Variants in RNLS observed in about 807,000 individuals in gnomAD.
The protein encoded by RNLS is renalase, FAD dependent amine oxidase, also known as renalase.
A neutral mutation model predicts 39.8 loss-of-function variants in RNLS; 39 were observed. That is an observed-to-expected ratio of 0.98 (90% confidence interval 0.76 to 1.28). The LOEUF (loss-of-function observed/expected upper bound fraction) is 1.28. RNLS is among the 50% of genes most tolerant of loss of function. The probability of loss-of-function intolerance (pLI) is 0.00; values close to 1 mark genes in which losing one functional copy is unlikely to be tolerated. For synonymous variants in RNLS, 147 were observed against 150.7 expected (o/e 0.98, Z 0.18); for missense variants, 410 against 413.3 (o/e 0.99, Z 0.07).
At chr10:88,540,097 G>A (rs1761611238) in intron 4 of RNLS, among the ~76,000 whole-genome samples, 1 of 152,052 alleles carries the variant, frequency 6.6e-6, no homozygotes, top group South Asian at 2.1e-4. Context: ...TTGTGACCTT[G>A]TTAACACATT....
chr10:88,581,656 A>G lies in RNLS; in HGVS notation c.278T>C (p.Ile93Thr), dbSNP rs1451562072. Residue 93 changes from isoleucine (I) to threonine (T), a missense_variant, in exon 3 of 7, where the codon ATT becomes ACT. Coordinates refer to ENST00000331772, the MANE Select transcript of RNLS (RefSeq NM_001031709.3). ...TCCTTCTTTCATCACCATTCCTTCA[A>G]TAGGCGAGCTTAGAGGCCTCAAAAC... ...YGVLRPLSSP[I>T]EGMVMKEGDC... The G allele has an allele frequency of 1.2e-6, 2 of 1,603,866 alleles. No homozygotes were observed. The highest frequency in any genetic ancestry group is 2.3e-5 in the East Asian group (1 of 44,080).
chr10:88,199,818 T>C, the RNLS span, among the ~76,000 whole-genome samples: 5 of 152,300 alleles, frequency 3.3e-5, no homozygotes, highest in Non-Finnish European at 7.4e-5. Context: ...TGAGGTCACT[T>C]AAGTTGACAT....
chr10:88,269,809 A>G (rs1283308496), downstream of RNLS, among the ~76,000 whole-genome samples: 1 of 152,172 alleles, frequency 6.6e-6, no homozygotes, highest in African/African-American at 2.4e-5. Flanking sequence ...ATTTGAATAT[A>G]ACTTCTATGA....
intron 4 of RNLS, among the ~76,000 whole-genome samples, chr10:88,399,269 C>A (rs1042102085): frequency 2.6e-5 from 4 of 151,982 alleles, no homozygotes. Flanking sequence ...GATTTCACTC[C>A]TAGGTGTATA....
At chr10:88,541,808 C>G (rs571197684) in intron 4 of RNLS, among the ~76,000 whole-genome samples, 12 of 152,074 alleles carry the variant, frequency 7.9e-5, no homozygotes, top group Non-Finnish European at 1.6e-4. Context: ...GTGTAGGATA[C>G]AAACAAGGAC....
At chr10:88,422,559 G>T (rs1030813434) in intron 4 of RNLS, among the ~76,000 whole-genome samples, 1 of 152,056 alleles carries the variant, frequency 6.6e-6, no homozygotes, top group African/African-American at 2.4e-5. Flanking sequence ...TTTCATTAGG[G>T]TCTTCTGTTT....
chr10:88,385,635 G>A (rs1020920277), intron 4 of RNLS, among the ~76,000 whole-genome samples: 10 of 152,222 alleles, frequency 6.6e-5, no homozygotes, highest in African/African-American at 2.4e-4. Context: ...AACCCCAGGT[G>A]AGTGATTTAG....
intron 6 of RNLS, among the ~76,000 whole-genome samples, chr10:88,301,297 C>T (rs1844498337): frequency 6.6e-6 from 1 of 152,142 alleles, no homozygotes; most frequent in South Asian, 2.1e-4. Flanking sequence ...AGGTGATGAT[C>T]TCACACATAT....
chr10:88,273,131 T>A (rs1842695831), downstream of RNLS, among the ~76,000 whole-genome samples: 1 of 152,182 alleles, frequency 6.6e-6, no homozygotes, highest in South Asian at 2.1e-4. Flanking sequence ...CTCCCAGAGG[T>A]CTGCTCCACA....
chr10:88,326,913 C>A (rs1846660415), intron 5 of RNLS, among the ~76,000 whole-genome samples: 1 of 152,186 alleles, frequency 6.6e-6, no homozygotes, highest in Non-Finnish European at 1.5e-5. Flanking sequence ...GACATGGAGT[C>A]AAAGGAGATC....
chr10:88,398,649 A>G (rs1273260700), intron 4 of RNLS, among the ~76,000 whole-genome samples: 1 of 152,030 alleles, frequency 6.6e-6, no homozygotes, highest in Non-Finnish European at 1.5e-5. Flanking sequence ...CCCAGAATAG[A>G]GCAAAGATAT....
At chr10:88,207,562 C>CT in the RNLS span, among the ~76,000 whole-genome samples, 1 of 152,122 alleles carries the variant, frequency 6.6e-6, no homozygotes, top group Non-Finnish European at 1.5e-5. Flanking sequence ...AAATGGGACT[C>CT]TCACACATTG....
chr10:88,239,644 C>T, the RNLS span, among the ~76,000 whole-genome samples: 2 of 152,242 alleles, frequency 1.3e-5, no homozygotes, highest in East Asian at 1.9e-4. Flanking sequence ...TGGTAGTGGC[C>T]TTCCACATTC....
chr10:88,328,278 GA>G (rs1014306906), intron 5 of RNLS, among the ~76,000 whole-genome samples: 5 of 118,578 alleles, frequency 4.2e-5, no homozygotes, highest in African/African-American at 1.4e-4. Context: ...ATTGCATTAT[GA>G]TTTTTTTTGT....
At chr10:88,336,701 C>G (rs1847527680) in intron 5 of RNLS, among the ~76,000 whole-genome samples, 1 of 152,150 alleles carries the variant, frequency 6.6e-6, no homozygotes, top group African/African-American at 2.4e-5. Flanking sequence ...CATTCACCAG[C>G]AATATAAACT....
At chr10:88,419,295 G>T (rs754232513) in intron 4 of RNLS, among the ~76,000 whole-genome samples, 1 of 152,162 alleles carries the variant, frequency 6.6e-6, no homozygotes, top group Non-Finnish European at 1.5e-5. Flanking sequence ...TCTAAACCCA[G>T]AACTAACTCT....
At chr10:88,325,613 A>C (rs751924277) in intron 5 of RNLS, among the ~76,000 whole-genome samples, 2 of 152,194 alleles carry the variant, frequency 1.3e-5, no homozygotes, top group Non-Finnish European at 2.9e-5. Flanking sequence ...GACAGTTGTA[A>C]CCATTAATAG....
chr10:88,401,465 G>GT (rs1271837926), intron 4 of RNLS, among the ~76,000 whole-genome samples: 1 of 151,924 alleles, frequency 6.6e-6, no homozygotes, highest in African/African-American at 2.4e-5. Context: ...TTGAAAATGA[G>GT]TTTTTTAGTA....
chr10:88,281,505 G>A (rs1313479819), downstream of RNLS, among the ~76,000 whole-genome samples: 1 of 152,106 alleles, frequency 6.6e-6, no homozygotes, highest in Non-Finnish European at 1.5e-5. Flanking sequence ...TCTGGGTGGG[G>A]ATTGCTGATT....
Sources: allele counts gnomAD v4.1 joint callset (sites outside exome capture counted in the v4.1 genomes callset), GRCh38; gene constraint gnomAD v4.1.1; transcripts MANE v1.5; gene names NCBI Gene and HGNC (gene_info 2026-07-23, HGNC 2026-07-21).